The following CEP128 variants were observed in gnomAD, a reference collection of about 807,000 sequenced individuals.
The protein encoded by CEP128 is centrosomal protein 128.
CEP128 carries 132 observed loss-of-function variants against 156.7 expected under a neutral mutation model. The ratio of observed to expected loss-of-function variants is 0.84; its 90% CI spans 0.73 to 0.97. The LOEUF (loss-of-function observed/expected upper bound fraction) is 0.97. Among genes scored for constraint, CEP128 ranks in the 50% least tolerant of loss-of-function variants. The probability of loss-of-function intolerance (pLI) is 0.00; values close to 1 mark genes in which losing one functional copy is unlikely to be tolerated. For missense variants in CEP128, 1,252 were observed against 1,281.9 expected (o/e 0.98, Z 0.36); for synonymous variants, 469 against 448.9 (o/e 1.04, Z -0.57).
intron 4 of CEP128, among the ~76,000 whole-genome samples, chr14:80,912,017 G>A (rs1178942305): frequency 1.3e-5 from 2 of 152,146 alleles, no homozygotes; most frequent in African/African-American, 4.8e-5. Context: ...AGGAGATCGA[G>A]ACCATCCCGA....
At chr14:80,533,946 T>G (rs1362139629) in intron 21 of CEP128, among the ~76,000 whole-genome samples, 2 of 152,172 alleles carry the variant, frequency 1.3e-5, no homozygotes, top group Non-Finnish European at 2.9e-5. Context: ...ACAAAAGATG[T>G]AATAATTATA....
chr14:80,722,248 T>C (rs777398740), intron 19 of CEP128, among the ~76,000 whole-genome samples: 20 of 152,108 alleles, frequency 1.3e-4, no homozygotes, highest in Non-Finnish European at 2.2e-4. Context: ...GTGTCACTAC[T>C]GAGAAACACC....
At chr14:80,614,480 C>CA (rs1893131683) in intron 19 of CEP128, among the ~76,000 whole-genome samples, 1 of 152,146 alleles carries the variant, frequency 6.6e-6, no homozygotes, top group Admixed American at 6.5e-5. Flanking sequence ...GGCTACATCT[C>CA]AAATATTACT....
chr14:80,627,775 T>C (rs1373074911), intron 19 of CEP128, among the ~76,000 whole-genome samples: 3 of 149,306 alleles, frequency 2.0e-5, no homozygotes, highest in Non-Finnish European at 4.4e-5. Flanking sequence ...AGGTAGAAAG[T>C]CCATTTTTAA....
At chr14:80,566,925 T>C (rs1254968933) in intron 20 of CEP128, among the ~76,000 whole-genome samples, 2 of 152,258 alleles carry the variant, frequency 1.3e-5, no homozygotes, top group South Asian at 2.1e-4. Context: ...AACCAACATT[T>C]TGACTTAGGA....
At chr14:80,797,856 T>C (rs1883583218) in intron 13 of CEP128, among the ~76,000 whole-genome samples, 1 of 152,234 alleles carries the variant, frequency 6.6e-6, no homozygotes, top group Non-Finnish European at 1.5e-5. Context: ...ATGCACTACA[T>C]GAAATGCTAA....
At chr14:80,667,023 A>G (rs8005280) in intron 19 of CEP128, among the ~76,000 whole-genome samples, 2,308 of 152,310 alleles carry the variant, frequency 0.015, 70 homozygotes, top group African/African-American at 0.053. Context: ...CAAAGCAAAC[A>G]TCTGCATGAA....
chr14:80,731,238 T>C (rs546896563), intron 19 of CEP128, among the ~76,000 whole-genome samples: 1 of 152,328 alleles, frequency 6.6e-6, no homozygotes, highest in Non-Finnish European at 1.5e-5. Context: ...ATATGCTATA[T>C]AGCAGTGCAA....
downstream of CEP128, among the ~76,000 whole-genome samples, chr14:80,487,375 G>A (rs1176571171): frequency 6.6e-6 from 1 of 152,132 alleles, no homozygotes; most frequent in African/African-American, 2.4e-5. Flanking sequence ...GATTCATAAA[G>A]CAAGTCCTTA....
At chr14:80,866,486 C>A (rs1170129834) in intron 8 of CEP128, among the ~76,000 whole-genome samples, 5 of 152,082 alleles carry the variant, frequency 3.3e-5, no homozygotes, top group African/African-American at 4.8e-5. Flanking sequence ...AGACAACAGG[C>A]TAGCCTCTGG....
At chr14:80,940,669 A>G (rs1290193538) in intron 1 of CEP128, among the ~76,000 whole-genome samples, 1 of 81,220 alleles carries the variant, frequency 1.2e-5, no homozygotes, top group African/African-American at 5.3e-5. Flanking sequence ...ACAGAGCCAG[A>G]CTCCTCAAAA....
chr14:80,520,216 G>A (rs1349436332), intron 23 of CEP128, among the ~76,000 whole-genome samples: 2 of 152,034 alleles, frequency 1.3e-5, no homozygotes, highest in African/African-American at 4.8e-5. Flanking sequence ...GTCAGGGGTT[G>A]GAGACCAGCC....
intron 19 of CEP128, among the ~76,000 whole-genome samples, chr14:80,620,857 A>G (rs1187472475): frequency 6.6e-6 from 1 of 152,250 alleles, no homozygotes; most frequent in Non-Finnish European, 1.5e-5. Flanking sequence ...TGTACTTTCG[A>G]ACATGTAGCA....
intron 19 of CEP128, among the ~76,000 whole-genome samples, chr14:80,593,113 C>A (rs922960612): frequency 1.3e-5 from 2 of 152,172 alleles, no homozygotes; most frequent in African/African-American, 4.8e-5. Flanking sequence ...CCTCTCTCAC[C>A]ACTCCTATTC....
intron 2 of CEP128, among the ~76,000 whole-genome samples, chr14:80,950,907 A>AAG (rs1886451777): frequency 5.1e-5 from 1 of 19,646 alleles, no homozygotes; most frequent in Non-Finnish European, 8.2e-5. Flanking sequence ...CCCGAGTAAG[A>AAG]AAAAAAAAAA....
intron 13 of CEP128, among the ~76,000 whole-genome samples, chr14:80,816,952 T>C (rs1457653994): frequency 2.5e-5 from 3 of 122,392 alleles, no homozygotes; most frequent in African/African-American, 9.0e-5. Context: ...ATGTGCTACG[T>C]TATTGTTTAA....
chr14:80,821,387 T>C (rs891171836), intron 13 of CEP128, among the ~76,000 whole-genome samples: 1 of 152,206 alleles, frequency 6.6e-6, no homozygotes, highest in Non-Finnish European at 1.5e-5. Flanking sequence ...TAGACAAGCA[T>C]TGAATAACTC....
Position 80,778,055 on chromosome 14 carries a change from A to G in CEP128, c.2212-9T>C, listed in dbSNP as rs374858326. 1 of 1,609,976 alleles carries G rather than the reference A, an allele frequency of 6.2e-7. No individual in the cohort carries two copies. The highest frequency in any genetic ancestry group is 1.1e-5 in the South Asian group (1 of 89,758). ...TCTTCTAAACTTTCAGCCTGAGAAA[A>G]AGAGAAGGAAAAAACAGAAAGTCCA... On this transcript the variant is annotated splice_polypyrimidine_tract_variant and intron_variant, in intron 15 of 24. Transcript: ENST00000555265.
intron 3 of CEP128, among the ~76,000 whole-genome samples, chr14:80,915,633 A>C (rs910627604): frequency 2.6e-5 from 4 of 152,212 alleles, no homozygotes; most frequent in Non-Finnish European, 5.9e-5. Context: ...AGCAAAAATT[A>C]GCCTCTAAAT....
Sources: gnomAD v4.1 joint callset for allele counts (sites outside exome capture counted in the v4.1 genomes callset) on GRCh38, gnomAD v4.1.1 for gene constraint, MANE v1.5 for transcripts, NCBI Gene and HGNC (gene_info 2026-07-23, HGNC 2026-07-21) for gene names.